The following AMOTL2 variants were observed in gnomAD, a reference collection of about 807,000 sequenced individuals.
The protein encoded by AMOTL2 is angiomotin-like protein 2.
Under a neutral mutation model 78.4 loss-of-function variants are expected in AMOTL2, and 33 were observed. The ratio of observed to expected loss-of-function variants is 0.42; its 90% confidence interval spans 0.32 to 0.56. The LOEUF is 0.56. Among genes scored for constraint, AMOTL2 ranks in the 20% least tolerant of loss-of-function variants. The pLI is 0.12. For synonymous variants in AMOTL2, 422 were observed against 428.8 expected (o/e 0.98, Z 0.20); for missense variants, 983 against 1,030.1 (o/e 0.95, Z 0.63).
upstream of AMOTL2, chr3:134,375,150 A>C: frequency 6.5e-7 from 1 of 1,533,344 alleles, no homozygotes; most frequent in South Asian, 1.2e-5. Context: ...GGAAGTGTGA[A>C]TCTGGGTTGG....
intron 4 of AMOTL2, 76 bp from the exon 5 acceptor site, chr3:134,365,985 G>C: frequency 6.9e-7 from 1 of 1,445,344 alleles, no homozygotes; most frequent in Non-Finnish European, 9.6e-7. Flanking sequence ...CGTCCTATCA[G>C]GATGGGGCTG....
rs1412065554 is a variant in AMOTL2, at chr3:134,366,332, C to T, written c.1137G>A (p.Lys379=). Residue 379 remains lysine, a synonymous_variant, in exon 4 of 10, where the codon AAG becomes AAA. Coordinates refer to ENST00000249883, the MANE Select transcript of AMOTL2 (RefSeq NM_016201.4). ...GCAGCCTCCTCATTTCACTGTCCAT[C>T]TTGTTCCGCATGGTCTTCTCCAGGG... ...REALEKTMRN[K]MDSEMRRLQD... 3.1e-6 allele frequency: 5 copies of T among 1,614,208 alleles called. No individual in the cohort carries two copies. The East Asian group carries it at 1.1e-4, about 36-fold the overall frequency.
At chr3:134,366,154 C>G in intron 4 of AMOTL2, 129 bp downstream of exon 4, 2 of 1,328,862 alleles carry the variant, frequency 1.5e-6, no homozygotes, top group East Asian at 4.6e-5. Context: ...CCAAAGGGGT[C>G]TCAGCCTGGC....
Position 134,358,666 on chromosome 3 carries a change from C to A in AMOTL2, c.2158G>T (p.Ala720Ser). 6.2e-7 allele frequency: 1 copy of A among 1,614,124 alleles called. No individual in the cohort carries two copies. The highest frequency in any genetic ancestry group is 8.5e-7 in the Non-Finnish European group (1 of 1,180,008). Residue 720 changes from alanine (A) to serine (S), a missense_variant, in exon 9 of 10, where the codon GCC (alanine) becomes TCC (serine). By Grantham distance (99) the Ala-to-Ser change is moderately conservative. Transcript: ENST00000249883. ...CTCCCATCTCTGCTCCCGTGTTTGG[C>A]ATGGGCAGCAGGGGGAGCTGTGACC... ...PVVTAPPAAHAKHGSRDGSTQ... is the reference protein window; with the variant it reads ...PVVTAPPAAHSKHGSRDGSTQ...
chr3:134,369,266 G>A (rs775054733), intron 2 of AMOTL2, among the ~76,000 whole-genome samples: 2 of 152,134 alleles, frequency 1.3e-5, no homozygotes, highest in Non-Finnish European at 2.9e-5. Context: ...CATTCTCAAG[G>A]TTGCTTCAAG....
intron 5 of AMOTL2, 30 bp downstream of exon 5, chr3:134,365,787 G>A (rs1475962629): frequency 2.5e-6 from 4 of 1,595,070 alleles, no homozygotes; most frequent in South Asian, 1.1e-5. Context: ...CTGCACACAG[G>A]CCAGGCTTCT....
At chr3:134,363,824 G>A (rs1488473585) in intron 5 of AMOTL2, among the ~76,000 whole-genome samples, 1 of 152,184 alleles carries the variant, frequency 6.6e-6, no homozygotes. Context: ...TCAGCCCTGG[G>A]GGAGGAAGGG....
intron 5 of AMOTL2, among the ~76,000 whole-genome samples, chr3:134,365,314 T>C (rs534166291): frequency 6.6e-6 from 1 of 152,338 alleles, no homozygotes; most frequent in East Asian, 1.9e-4. Flanking sequence ...ATGCATCTGT[T>C]GGTTAAGGTC....
chr3:134,359,573 A>G (rs1559795265), intron 7 of AMOTL2, 70 bp from the exon 8 acceptor site: 7 of 1,341,886 alleles, frequency 5.2e-6, no homozygotes, highest in Non-Finnish European at 6.2e-6. Context: ...TTCCTGCCTC[A>G]TAGGAGTTAG....
chr3:134,358,605 G>A lies in AMOTL2; in HGVS notation c.2219C>T (p.Thr740Ile). 1.2e-6 allele frequency: 2 copies of A among 1,613,912 alleles called. No homozygotes were observed. Among genetic ancestry groups the A allele is most frequent in the South Asian group, 2.2e-5 (2 of 91,070 alleles). The change falls in exon 9 of 10, where the codon ACC becomes ATC. Residue 740 changes from threonine to isoleucine, a missense_variant. Transcript: ENST00000249883. Reference protein sequence around the residue: ...QTEGPPDSTSTCLPPEPDSLL... With the variant: ...QTEGPPDSTSICLPPEPDSLL... Reference sequence around the variant, plus strand: ...GCTGTCAGGCTCCGGTGGCAGGCAGGTGGAGGTGCTGTCTGGGGGGCCCTC... The same window carrying A: ...GCTGTCAGGCTCCGGTGGCAGGCAGATGGAGGTGCTGTCTGGGGGGCCCTC...
At chr3:134,375,387 A>G, upstream of AMOTL2, 1 of 772,636 alleles carries the variant, frequency 1.3e-6, no homozygotes, top group Non-Finnish European at 2.2e-6. Context: ...CAGAGAGCTT[A>G]AGCAGCGTGC....
In AMOTL2 at chr3:134,373,248, C is replaced by T. The variant is rs115343657; in HGVS notation, c.-62+1094G>A. 5.2e-3 allele frequency among the ~76,000 whole-genome samples: 792 copies of T among 152,238 alleles called. 14 individuals carry two copies. The highest frequency in any genetic ancestry group is 6.6e-3 in the Non-Finnish European group (450 of 68,016). ...TTCAATTCGTATGGGATTCAGTTCGCCCTGGAGTTTTATCTGCGGGCATTT... is the reference window on the plus strand; with the variant it reads ...TTCAATTCGTATGGGATTCAGTTCGTCCTGGAGTTTTATCTGCGGGCATTT... On this transcript the variant is annotated intron_variant, in intron 1 of 9. Coordinates refer to ENST00000249883, the MANE Select transcript of AMOTL2 (RefSeq NM_016201.4).
chr3:134,366,248 G>A, intron 4 of AMOTL2, 35 bp downstream of exon 4: 1 of 1,606,912 alleles, frequency 6.2e-7, no homozygotes, highest in Non-Finnish European at 8.5e-7. Context: ...CTCTGCAGAG[G>A]TTCTCCAACC....
chr3:134,370,136 C>A (rs925099562), intron 2 of AMOTL2, among the ~76,000 whole-genome samples: 4 of 152,198 alleles, frequency 2.6e-5, no homozygotes, highest in African/African-American at 9.7e-5. Context: ...CCACTGCAGG[C>A]TGCAGACGCA....
chr3:134,361,536 T>C lies in AMOTL2; in HGVS notation c.1551A>G (p.Glu517=), dbSNP rs1277841014. The C allele has an allele frequency of 6.2e-7, 1 of 1,612,260 alleles. No homozygotes were observed. The highest frequency in any genetic ancestry group is 2.2e-5 in the East Asian group (1 of 44,840). ...ELRLRTRLEQ[E]LKALRAQQRQ... ...CCTGCTGTGCACGCAGGGCCTTGAG[T>C]TCCTGCTCCAGGCGAGTCCGCAGAC... Residue 517 remains glutamate, a synonymous_variant, in exon 6 of 10, where the codon GAA becomes GAG. Coordinates refer to ENST00000249883, the MANE Select transcript of AMOTL2 (RefSeq NM_016201.4).
At chr3:134,364,087 C>T (rs1158738889) in intron 5 of AMOTL2, among the ~76,000 whole-genome samples, 1 of 152,288 alleles carries the variant, frequency 6.6e-6, no homozygotes, top group East Asian at 1.9e-4. Context: ...CCGACGGGAC[C>T]CGGGATGCGC....
At chr3:134,371,807 G>A (rs1238718050) in intron 1 of AMOTL2, 3 of 322,004 alleles carry the variant, frequency 9.3e-6, no homozygotes, top group Non-Finnish European at 1.2e-5. Flanking sequence ...CCTGGTAAAC[G>A]ATTACTAATG....
chr3:134,361,449 CGAG>C, intron 6 of AMOTL2, 60 bp downstream of exon 6: 1 of 1,490,708 alleles, frequency 6.7e-7, no homozygotes, highest in Non-Finnish European at 9.0e-7. Flanking sequence ...CTACAGTCCC[CGAG>C]GAGGAAGGGA....
chr3:134,371,747 G>A (rs1445478512), intron 1 of AMOTL2: 17 of 492,648 alleles, frequency 3.5e-5, no homozygotes, highest in Non-Finnish European at 5.4e-5. Flanking sequence ...TCATGGAGAT[G>A]AGGAAAAAAA....
Sources: allele counts gnomAD v4.1 joint callset (sites outside exome capture counted in the v4.1 genomes callset), GRCh38; gene constraint gnomAD v4.1.1; transcripts MANE v1.5; gene names NCBI Gene and HGNC (gene_info 2026-07-23, HGNC 2026-07-21).